The following DGKB variants were observed in gnomAD, a reference collection of about 807,000 sequenced individuals.
DGKB encodes 90 kDa diacylglycerol kinase.
A neutral mutation model predicts 114.3 loss-of-function variants in DGKB; 67 were observed. That is an observed-to-expected ratio of 0.59 (90% CI 0.48 to 0.72). The LOEUF (loss-of-function observed/expected upper bound fraction) is 0.72, where lower values mean the gene tolerates loss of function less well. DGKB is among the 30% of genes least tolerant of loss of function. The pLI, the probability that DGKB is intolerant of heterozygous loss-of-function variation, is 0.00. For synonymous variants in DGKB, 398 were observed against 323.1 expected, an observed-to-expected ratio of 1.23 and a Z score of -2.49; for missense variants, 907 against 975.2, an observed-to-expected ratio of 0.93 and a Z score of 0.93.
chr7:14,519,613 TTAAC>T (rs1289080349), intron 20 of DGKB, among the ~76,000 whole-genome samples: 2 of 152,002 alleles, frequency 1.3e-5, no homozygotes, highest in African/African-American at 2.4e-5. Flanking sequence ...AGGTGTAGAA[TTAAC>T]TTCTTAAGAA....
At chr7:14,311,473 G>A (rs1438659388) in intron 23 of DGKB, among the ~76,000 whole-genome samples, 1 of 151,886 alleles carries the variant, frequency 6.6e-6, no homozygotes, top group Non-Finnish European at 1.5e-5. Context: ...CCAGGTTGGA[G>A]TACAATGACA....
chr7:14,204,619 C>G (rs942776877), intron 23 of DGKB, among the ~76,000 whole-genome samples: 6 of 151,992 alleles, frequency 3.9e-5, no homozygotes, highest in Admixed American at 2.0e-4. Context: ...TTCATTGGCC[C>G]TTTGCCCATG....
chr7:14,444,017 T>C (rs953426460), intron 21 of DGKB, among the ~76,000 whole-genome samples: 1 of 151,924 alleles, frequency 6.6e-6, no homozygotes, highest in Non-Finnish European at 1.5e-5. Context: ...TCCTTTTAGC[T>C]GTGTTTAATA....
Position 14,154,075 on chromosome 7 carries a change from C to CA in DGKB, c.2305-4838dup, listed in dbSNP as rs534689526. 6.0e-5 allele frequency among the ~76,000 whole-genome samples: 9 copies of CA among 150,942 alleles called. No individual in the cohort carries two copies. In the South Asian group the frequency reaches 1.9e-3, roughly 31 times the overall value. On this transcript the variant is annotated intron_variant, in intron 25 of 25. Coordinates refer to ENST00000402815, the MANE Select transcript of DGKB (RefSeq NM_001350709.2). The stretch of plus-strand genomic sequence containing the variant: ...AGGATTCAACTCAGATCCAGGATGA[C>CA]AGATTTGCAAGAGAGCTAGACAGAA...
At chr7:14,841,527 T>A in intron 1 of DGKB, 77 bp from the exon 2 acceptor site, 1 of 333,510 alleles carries the variant, frequency 3.0e-6, no homozygotes, top group East Asian at 4.7e-5. Context: ...AGGTGTTGAA[T>A]GTTAAATACT....
chr7:14,936,268 T>C (rs920546592), intron 1 of DGKB, among the ~76,000 whole-genome samples: 7 of 152,270 alleles, frequency 4.6e-5, no homozygotes, highest in East Asian at 3.9e-4. Context: ...AAATCACACA[T>C]AGAAGTATTG....
rs925669720 is a variant in DGKB, at chr7:14,911,242, G to A, written c.-188+63454C>T. 2.0e-5 allele frequency among the ~76,000 whole-genome samples: 3 copies of A among 151,904 alleles called. No homozygotes were observed. The South Asian group carries it at 6.2e-4, about 32-fold the overall frequency. ...TTTGAAAAAAATAATGGAATCAGAA[G>A]CACTACCAAAATTATCACTGTATCA... is the stretch of plus-strand genomic sequence containing the variant. On this transcript the variant is annotated intron_variant, in intron 1 of 4. Coordinates refer to the DGKB transcript ENST00000437998.
At chr7:14,840,508 A>G (rs1379344043) in intron 2 of DGKB, among the ~76,000 whole-genome samples, 1 of 152,170 alleles carries the variant, frequency 6.6e-6, no homozygotes, top group Non-Finnish European at 1.5e-5. Context: ...CTTACTCTAC[A>G]TATGCAAAGA....
chr7:14,615,094 T>C (rs1806275778), intron 15 of DGKB, among the ~76,000 whole-genome samples: 1 of 152,184 alleles, frequency 6.6e-6, no homozygotes, highest in South Asian at 2.1e-4. Flanking sequence ...CTCCTAACGT[T>C]TTCATAAGCA....
At chr7:14,344,932 A>G (rs1370776090) in intron 22 of DGKB, among the ~76,000 whole-genome samples, 1 of 151,698 alleles carries the variant, frequency 6.6e-6, no homozygotes, top group Non-Finnish European at 1.5e-5. Flanking sequence ...GTGTGTTTTA[A>G]AGGTTACAAG....
chr7:14,455,064 A>G (rs925319143), intron 21 of DGKB, among the ~76,000 whole-genome samples: 3 of 152,070 alleles, frequency 2.0e-5, no homozygotes, highest in African/African-American at 7.2e-5. Context: ...ATGGAACCCA[A>G]TATCACGTTT....
intron 23 of DGKB, among the ~76,000 whole-genome samples, chr7:14,256,452 T>A (rs979918759): frequency 1.2e-5 from 1 of 81,710 alleles, no homozygotes; most frequent in Admixed American, 1.3e-4. Flanking sequence ...TTTATTTCCA[T>A]TCTAAAATAA....
At position 14,885,843 on chromosome 7, in the gene DGKB, A is replaced by T. The variant is rs78716712; in HGVS notation, c.-188+16749T>A. On this transcript the variant is annotated intron_variant, in intron 1 of 25. Transcript: ENST00000402815. ...AAGTGCTAAAGTCAGGATTTAAACC[A>T]AGTAGTTCTTAATCACTGTGCTAAA... Among the ~76,000 whole-genome samples, 414 of 152,064 alleles carry T rather than the reference A, an allele frequency of 2.7e-3. 5 individuals are homozygous for T. The highest frequency in any genetic ancestry group is 9.2e-3 in the African/African-American group (382 of 41,536).
chr7:14,736,704 T>C (rs2128401662), intron 4 of DGKB, among the ~76,000 whole-genome samples: 1 of 152,342 alleles, frequency 6.6e-6, no homozygotes, highest in African/African-American at 2.4e-5. Flanking sequence ...TTCAACTAAA[T>C]GCCAAGCTCT....
In DGKB at chr7:14,147,749, C is replaced by T. The variant is rs1259899150; in HGVS notation, c.*1382G>A. On this transcript the variant is annotated 3_prime_UTR_variant, in exon 26 of 26. Coordinates refer to ENST00000402815, the MANE Select transcript of DGKB (RefSeq NM_001350709.2). ...TGAGATGCAGGTCAATATGAATGAA[C>T]AATATTACAAGACTGCTCAGAAGCA... 1 of 152,424 alleles carries T rather than the reference C, an allele frequency of 6.6e-6. No homozygotes were observed. Among genetic ancestry groups the T allele is most frequent in the Non-Finnish European group, 1.5e-5 (1 of 67,958 alleles). 9.4% of individuals were successfully genotyped at this position (152,424 alleles called of 1,614,324 possible).
intron 23 of DGKB, among the ~76,000 whole-genome samples, chr7:14,321,367 A>C (rs1359802090): frequency 6.6e-6 from 1 of 152,198 alleles, no homozygotes; most frequent in Non-Finnish European, 1.5e-5. Flanking sequence ...CAATAGATGA[A>C]AAACAATAAT....
rs114026542 is a variant in DGKB at position 14,772,543 on chromosome 7, G to A, written c.71-14812C>T. On this transcript the variant is annotated intron_variant, in intron 2 of 25. Transcript: ENST00000402815. ...TAAACTTAATTCTTATGAATTAGAA[G>A]AGAAAGCATGCATATTTGATGAAAA... Among the ~76,000 whole-genome samples the A allele has an allele frequency of 5.1e-3, 777 of 152,232 alleles. 7 individuals are homozygous for A. Among genetic ancestry groups the A allele is most frequent in the African/African-American group, 0.017 (725 of 41,550 alleles).
intron 21 of DGKB, among the ~76,000 whole-genome samples, chr7:14,466,170 C>G (rs1033459443): frequency 1.3e-5 from 2 of 152,144 alleles, no homozygotes; most frequent in Admixed American, 6.5e-5. Flanking sequence ...TCAAACTGGT[C>G]TTATCTTTCA....
intron 5 of DGKB, 184 bp from the exon 6 acceptor site, chr7:14,718,869 G>T: frequency 1.9e-6 from 1 of 514,320 alleles, no homozygotes; most frequent in Non-Finnish European, 3.4e-6. Context: ...TGTAGATGAA[G>T]GAGAGTTCTT....
Sources: gnomAD v4.1 joint callset for allele counts (sites outside exome capture counted in the v4.1 genomes callset) on GRCh38, gnomAD v4.1.1 for gene constraint, MANE v1.5 for transcripts, NCBI Gene and HGNC (gene_info 2026-07-23, HGNC 2026-07-21) for gene names.